ERMARD: variants seen among roughly 807,000 people sequenced by gnomAD.
The protein encoded by ERMARD is ER membrane associated RNA degradation, also known as endoplasmic reticulum membrane-associated RNA degradation protein.
In ERMARD, 71 loss-of-function variants were observed where a neutral mutation model predicts 83.9. That is an observed-to-expected ratio of 0.85 (90% CI 0.70 to 1.03). The LOEUF is 1.03. Among genes scored for constraint, ERMARD ranks in the 50% least tolerant of loss-of-function variants. The pLI, the probability that ERMARD is intolerant of heterozygous loss-of-function variation, is 0.00. For synonymous variants in ERMARD, 284 were observed against 298.6 expected (o/e 0.95, Z 0.50); for missense variants, 838 against 810.9 (o/e 1.03, Z -0.41).
chr6:169,751,536 C>T, upstream of ERMARD: 1 of 1,610,258 alleles, frequency 6.2e-7, no homozygotes, highest in Non-Finnish European at 8.5e-7. Flanking sequence ...CCCGCGAGGG[C>T]GGAAGTCTCC....
chr6:169,781,046 T>C (rs773705848), intron 17 of ERMARD, among the ~76,000 whole-genome samples: 11 of 152,238 alleles, frequency 7.2e-5, no homozygotes, highest in Non-Finnish European at 1.3e-4. Context: ...AGTTCCTTCC[T>C]GGAATGACGG....
At chr6:169,766,726 A>G in intron 10 of ERMARD, 59 bp downstream of exon 10, 1 of 1,485,232 alleles carries the variant, frequency 6.7e-7, no homozygotes, top group Non-Finnish European at 9.0e-7. Flanking sequence ...TTCTTTTAAA[A>G]TACAAATTAA....
intron 12 of ERMARD, chr6:169,770,610 A>T (rs1250965291): frequency 1.3e-5 from 2 of 151,884 alleles, no homozygotes; most frequent in Non-Finnish European, 2.9e-5. Context: ...AGGTTTTTTT[A>T]AATTTTTTTA....
intron 3 of ERMARD, among the ~76,000 whole-genome samples, chr6:169,755,899 A>G (rs1290850147): frequency 6.6e-5 from 10 of 152,180 alleles, no homozygotes; most frequent in Non-Finnish European, 5.9e-5. Flanking sequence ...TTGGCACACT[A>G]AATGACCCCA....
At chr6:169,779,126 A>C (rs1215607672) in intron 16 of ERMARD, 56 bp from the exon 17 acceptor site, 1 of 1,411,030 alleles carries the variant, frequency 7.1e-7, no homozygotes, top group Non-Finnish European at 1.0e-6. Flanking sequence ...TTTCCTGATG[A>C]AGGTGGAAAA....
intron 3 of ERMARD, among the ~76,000 whole-genome samples, chr6:169,755,834 C>G (rs1277875752): frequency 1.3e-5 from 2 of 152,126 alleles, no homozygotes; most frequent in Admixed American, 1.3e-4. Flanking sequence ...AATTTGGGGC[C>G]TAACCCAAAA....
At chr6:169,763,946 T>G (rs1274307461) in intron 9 of ERMARD, among the ~76,000 whole-genome samples, 1 of 152,264 alleles carries the variant, frequency 6.6e-6, no homozygotes, top group Non-Finnish European at 1.5e-5. Flanking sequence ...CATGTGAGTT[T>G]TCCTCAGCAC....
intron 10 of ERMARD, chr6:169,766,906 T>A (rs1212212807): frequency 2.4e-6 from 1 of 423,026 alleles, no homozygotes; most frequent in African/African-American, 2.1e-5. Flanking sequence ...TACCAAGGGA[T>A]CTAACATGAT....
Position 169,779,206 on chromosome 6 carries a change from C to T in ERMARD, c.1764C>T (p.Leu588=), listed in dbSNP as rs771104103. 2 of 1,614,208 alleles carry T rather than the reference C, an allele frequency of 1.2e-6. No homozygotes were observed. The highest frequency in any genetic ancestry group is 1.7e-6 in the Non-Finnish European group (2 of 1,180,002). The change falls in exon 17 of 18, where the codon CTC becomes CTT. Residue 588 remains leucine (L), a synonymous_variant. Coordinates refer to ENST00000366773, the MANE Select transcript of ERMARD (RefSeq NM_018341.3). ...WSSIRLLSPV[L]SLILLLIALE... is the part of the protein sequence containing the mutation. ...GTATCAGACTACTGTCCCCTGTGCT[C>T]AGCCTGATACTGTTACTCATTGCGC...
At chr6:169,776,863 A>G (rs1793669355) in intron 16 of ERMARD, among the ~76,000 whole-genome samples, 190 bp downstream of exon 16, 1 of 152,186 alleles carries the variant, frequency 6.6e-6, no homozygotes, top group Non-Finnish European at 1.5e-5. Flanking sequence ...ATCCAGTTAG[A>G]AAGTTTACTT....
At position 169,776,646 on chromosome 6, in the gene ERMARD, G is replaced by A. The variant is rs371767163; in HGVS notation, c.1712G>A (p.Arg571Gln). 36 of 1,613,912 alleles carry A rather than the reference G, an allele frequency of 2.2e-5. No homozygotes were observed. Among genetic ancestry groups the A allele is most frequent in the African/African-American group, 2.1e-4 (16 of 74,930 alleles). Reference sequence around the variant, plus strand: ...GAAAGGACGCTGCGGTCTCGCCAGCGGCAGAACTACCTGCGTATGTGGAGT... The same window carrying A: ...GAAAGGACGCTGCGGTCTCGCCAGCAGCAGAACTACCTGCGTATGTGGAGT... ...WVERTLRSRQ[R>Q]QNYLRMWSSI... is the part of the protein sequence containing the mutation. Residue 571 changes from arginine (R) to glutamine (Q), a missense_variant, in exon 16 of 18, where the codon CGG becomes CAG. Arg to Gln is a conservative substitution (Grantham distance 43). Coordinates refer to ENST00000366773, the MANE Select transcript of ERMARD (RefSeq NM_018341.3).
rs372564939 is a variant in ERMARD at position 169,781,509 on chromosome 6, T to C, written c.2033T>C (p.Leu678Ser). Residue 678 changes from leucine to serine, a missense_variant, in exon 18 of 18, where the codon TTA (leucine) becomes TCA (serine). Leu to Ser is a moderately radical substitution (Grantham distance 145). Coordinates refer to ENST00000366773, the MANE Select transcript of ERMARD (RefSeq NM_018341.3). ...LAKKSTSKVL[L>S] Reference sequence around the variant, plus strand: ...AAGAAATCCACAAGTAAAGTACTCTTATGAAAACTTGTAAGTCAGGATGCT... The same window carrying C: ...AAGAAATCCACAAGTAAAGTACTCTCATGAAAACTTGTAAGTCAGGATGCT... 5.0e-6 allele frequency: 8 copies of C among 1,585,738 alleles called. No individual in the cohort carries two copies. The African/African-American group carries it at 8.1e-5, about 16-fold the overall frequency.
intron 8 of ERMARD, 148 bp downstream of exon 8, chr6:169,760,904 A>C: frequency 1.9e-6 from 1 of 514,072 alleles, no homozygotes; most frequent in Non-Finnish European, 3.5e-6. Flanking sequence ...AAACACCTTC[A>C]TAGAGTCGCT....
chr6:169,769,248 A>T (rs756038461), intron 11 of ERMARD, among the ~76,000 whole-genome samples: 8 of 152,190 alleles, frequency 5.3e-5, no homozygotes, highest in Middle Eastern at 3.2e-3. Context: ...GCCTTGGAAA[A>T]GCTCATTTGC....
intron 7 of ERMARD, 75 bp downstream of exon 7, chr6:169,760,049 G>T: frequency 1.3e-6 from 2 of 1,591,028 alleles, no homozygotes; most frequent in Non-Finnish European, 1.7e-6. Context: ...GCATTAAGAG[G>T]TGCACTCTTG....
chr6:169,779,039 G>A, intron 16 of ERMARD, 143 bp from the exon 17 acceptor site: 1 of 747,320 alleles, frequency 1.3e-6, no homozygotes. Flanking sequence ...CTGGAAGCAG[G>A]CATTGGGCTC....
chr6:169,756,967 C>G (rs1385325505), intron 5 of ERMARD, among the ~76,000 whole-genome samples, 159 bp downstream of exon 5: 1 of 152,162 alleles, frequency 6.6e-6, no homozygotes, highest in African/African-American at 2.4e-5. Context: ...AAAGACATTT[C>G]TAACAGGGCG....
chr6:169,779,940 C>T (rs985185868), intron 17 of ERMARD, among the ~76,000 whole-genome samples: 1 of 152,214 alleles, frequency 6.6e-6, no homozygotes, highest in African/African-American at 2.4e-5. Context: ...AGCTGTCAAT[C>T]TGGGCTTGAG....
At chr6:169,779,662 T>G (rs1793986779) in intron 17 of ERMARD, among the ~76,000 whole-genome samples, 1 of 152,164 alleles carries the variant, frequency 6.6e-6, no homozygotes, top group Non-Finnish European at 1.5e-5. Flanking sequence ...TGGCTAATTT[T>G]TAAATGTTTT....
Sources: allele counts gnomAD v4.1 joint callset (sites outside exome capture counted in the v4.1 genomes callset), GRCh38; gene constraint gnomAD v4.1.1; transcripts MANE v1.5; gene names NCBI Gene and HGNC (gene_info 2026-07-23, HGNC 2026-07-21).